Variants in MAGI3 observed in about 807,000 individuals in gnomAD.
MAGI3 encodes the protein membrane-associated guanylate kinase, WW and PDZ domain-containing protein 3.
MAGI3 carries 43 observed loss-of-function variants against 121.8 expected under a neutral mutation model. The observed-to-expected ratio is 0.35, with a 90% CI of 0.28 to 0.46. The LOEUF (loss-of-function observed/expected upper bound fraction) is 0.46, where lower values mean the gene tolerates loss of function less well. MAGI3 is among the 20% of genes least tolerant of loss of function. The pLI, the probability that MAGI3 is intolerant of heterozygous loss-of-function variation, is 1.00. For missense variants in MAGI3, 1,547 were observed against 1,797.3 expected, an observed-to-expected ratio of 0.86 and a Z score of 2.52; for synonymous variants, 553 against 639.3, an observed-to-expected ratio of 0.86 and a Z score of 2.04.
intron 2 of MAGI3, among the ~76,000 whole-genome samples, chr1:113,564,925 C>T (rs1426885727): frequency 6.6e-6 from 1 of 152,036 alleles, no homozygotes; most frequent in African/African-American, 2.4e-5. Flanking sequence ...TCTCAGCTCA[C>T]TGCAACCTCC....
At chr1:113,515,981 G>A (rs1484163249) in intron 1 of MAGI3, among the ~76,000 whole-genome samples, 1 of 151,922 alleles carries the variant, frequency 6.6e-6, no homozygotes, top group Admixed American at 6.6e-5. Context: ...GTGTACCATA[G>A]GATGTTTAGC....
rs114037511 is a variant in MAGI3 at position 113,573,562 on chromosome 1, G to A, written c.434-6980G>A. On this transcript the variant is annotated intron_variant, in intron 2 of 20. Coordinates refer to ENST00000307546, the MANE Select transcript of MAGI3 (RefSeq NM_001142782.2). The stretch of plus-strand genomic sequence containing the variant: ...TGATTGCACTGTGGTCCGAGAGAGC[G>A]TTTGTTATGATTTCCGTTCTTTTGC... 6.3e-3 allele frequency among the ~76,000 whole-genome samples: 955 copies of A among 152,262 alleles called. 7 individuals are homozygous for A. The highest frequency in any genetic ancestry group is 0.022 in the African/African-American group (903 of 41,548).
chr1:113,480,149 C>G (rs1656040875), intron 1 of MAGI3, among the ~76,000 whole-genome samples: 1 of 152,162 alleles, frequency 6.6e-6, no homozygotes, highest in African/African-American at 2.4e-5. Flanking sequence ...TTTGTGGTGT[C>G]ATATTTCCCT....
chr1:113,458,919 T>C (rs1380081569), intron 1 of MAGI3, among the ~76,000 whole-genome samples: 1 of 152,150 alleles, frequency 6.6e-6, no homozygotes, highest in Non-Finnish European at 1.5e-5. Context: ...ATTAGAAACT[T>C]TAATAAGAAT....
intron 2 of MAGI3, among the ~76,000 whole-genome samples, chr1:113,570,514 T>C (rs999479284): frequency 6.6e-6 from 1 of 152,204 alleles, no homozygotes; most frequent in African/African-American, 2.4e-5. Context: ...ACTAACAGTG[T>C]AAAAACGTTC....
chr1:113,406,476 TG>T (rs1651690015), intron 1 of MAGI3, among the ~76,000 whole-genome samples: 1 of 148,970 alleles, frequency 6.7e-6, no homozygotes, highest in Admixed American at 6.7e-5. Flanking sequence ...AAAAAAAAAC[TG>T]GTTCAAATTG....
Position 113,683,620 on chromosome 1 carries a change from C to T in MAGI3, c.4052C>T (p.Thr1351Ile). The change falls in exon 21 of 21, where the codon ACA becomes ATA. Residue 1351 changes from threonine to isoleucine, a missense_variant. Physicochemically the swap from Thr to Ile is moderately conservative, Grantham distance 89. Coordinates refer to ENST00000307546, the MANE Select transcript of MAGI3 (RefSeq NM_001142782.2). Reference sequence around the variant, plus strand: ...CAGAATCAGTTGGAAAAAAGCAGAACAAGGTCTCCAGAGAAAAAAATCAAA... The same window carrying T: ...CAGAATCAGTTGGAAAAAAGCAGAATAAGGTCTCCAGAGAAAAAAATCAAA... ...AKQNQLEKSR[T>I]RSPEKKIKRM... The T allele has an allele frequency of 2.5e-6, 4 of 1,613,516 alleles. No homozygotes were observed. The highest frequency in any genetic ancestry group is 8.5e-7 in the Non-Finnish European group (1 of 1,179,786).
intron 6 of MAGI3, among the ~76,000 whole-genome samples, chr1:113,604,820 A>T (rs1649651566): frequency 6.6e-6 from 1 of 151,440 alleles, no homozygotes; most frequent in Admixed American, 6.6e-5. Flanking sequence ...AAGATTCAGA[A>T]GGGAGGAGGG....
At chr1:113,600,627 G>A (rs1287762217) in intron 6 of MAGI3, among the ~76,000 whole-genome samples, 1 of 152,120 alleles carries the variant, frequency 6.6e-6, no homozygotes, top group Non-Finnish European at 1.5e-5. Flanking sequence ...AATCAATATC[G>A]TGAAAATGGC....
intron 1 of MAGI3, among the ~76,000 whole-genome samples, chr1:113,516,141 A>G (rs1275440769): frequency 1.3e-5 from 2 of 152,070 alleles, no homozygotes; most frequent in African/African-American, 2.4e-5. Context: ...TGGGATATTT[A>G]TCAATATGTA....
intron 1 of MAGI3, among the ~76,000 whole-genome samples, chr1:113,513,357 C>T (rs371365544): frequency 1.2e-4 from 19 of 152,270 alleles, no homozygotes; most frequent in African/African-American, 4.1e-4. Context: ...GGAGGCATCA[C>T]GTTACCTGAC....
chr1:113,576,036 T>C (rs1413709921), intron 2 of MAGI3, among the ~76,000 whole-genome samples: 2 of 151,946 alleles, frequency 1.3e-5, no homozygotes, highest in African/African-American at 2.4e-5. Context: ...TGGATGCCCC[T>C]CCCCCCACCA....
At chr1:113,623,025 T>C in intron 9 of MAGI3, 31 bp downstream of exon 9, 1 of 1,415,188 alleles carries the variant, frequency 7.1e-7, no homozygotes, top group Non-Finnish European at 9.3e-7. Flanking sequence ...ATTTGAAGAG[T>C]AGTGATACTA....
At chr1:113,461,165 A>T (rs1157831302) in intron 1 of MAGI3, among the ~76,000 whole-genome samples, 1 of 152,232 alleles carries the variant, frequency 6.6e-6, no homozygotes, top group African/African-American at 2.4e-5. Context: ...GCCTAAAGCA[A>T]TGTACAGATT....
chr1:113,525,099 G>A (rs560320577), intron 1 of MAGI3, among the ~76,000 whole-genome samples: 29 of 152,282 alleles, frequency 1.9e-4, no homozygotes, highest in South Asian at 8.3e-4. Flanking sequence ...GGCCTTCCCA[G>A]CCATGTGGAA....
rs184648253 is a variant in MAGI3 at position 113,623,631 on chromosome 1, G to A, written c.1360+637G>A. Among the ~76,000 whole-genome samples the A allele has an allele frequency of 6.9e-3, 1,053 of 152,038 alleles. 15 individuals carry two copies. The highest frequency in any genetic ancestry group is 0.023 in the African/African-American group (962 of 41,452). On this transcript the variant is annotated intron_variant, in intron 9 of 20. Transcript: ENST00000307546. ...GCCTCCCGAGTAGCTGGGACTACAG[G>A]CGCCCGCCACCACGCCTGGCTAATT...
In MAGI3 at chr1:113,642,383, A is replaced by G. The variant is rs746111640; in HGVS notation, c.1833A>G (p.Gln611=). The change falls in exon 10 of 21, where the codon CAA becomes CAG. Residue 611 remains glutamine (Q), a synonymous_variant. Transcript: ENST00000307546. ...TGATACTGGATAGTCAGTGGTGTCA[A>G]GGCCTTCAGAAAGGAGATATAATTA... ...VKMILDSQWC[Q]GLQKGDIIKE... 6.2e-7 allele frequency: 1 copy of G among 1,614,122 alleles called. No homozygotes were observed. The highest frequency in any genetic ancestry group is 8.5e-7 in the Non-Finnish European group (1 of 1,180,048).
intron 11 of MAGI3, among the ~76,000 whole-genome samples, chr1:113,645,902 T>C (rs978603601): frequency 1.3e-5 from 2 of 152,234 alleles, no homozygotes; most frequent in Non-Finnish European, 2.9e-5. Context: ...TATCAAAATA[T>C]GCTACTATGC....
At chr1:113,549,365 GTTCTT>G (rs1659669346) in intron 1 of MAGI3, 145 bp from the exon 2 acceptor site, 2 of 491,362 alleles carry the variant, frequency 4.1e-6, no homozygotes, top group African/African-American at 4.0e-5. Context: ...ATAATTTGGT[GTTCTT>G]TTCTTTTTAG....
Sources: allele counts gnomAD v4.1 joint callset (sites outside exome capture counted in the v4.1 genomes callset), GRCh38; gene constraint gnomAD v4.1.1; transcripts MANE v1.5; gene names NCBI Gene and HGNC (gene_info 2026-07-23, HGNC 2026-07-21).